PCDH11X: variants seen among roughly 807,000 people sequenced by gnomAD.
PCDH11X encodes the protein protocadherin 11 X-linked, also known as protocadherin-11 X-linked.
PCDH11X carries 18 observed loss-of-function variants against 53.3 expected under a neutral mutation model. That is an observed-to-expected ratio of 0.34 (90% CI 0.23 to 0.50). PCDH11X has a LOEUF of 0.50. Among genes scored for constraint, PCDH11X ranks in the 20% least tolerant of loss-of-function variants. The pLI is 0.98. For synonymous variants in PCDH11X, 279 were observed against 393.3 expected, an observed-to-expected ratio of 0.71 and a Z score of 3.44; for missense variants, 570 against 1,032.4, an observed-to-expected ratio of 0.55 and a Z score of 6.14.
intron 10 of PCDH11X, among the ~76,000 whole-genome samples, chrX:92,471,019 A>G (rs2073250544): frequency 9.4e-6 from 1 of 106,624 alleles, no homozygotes; most frequent in Non-Finnish European, 1.9e-5. Context: ...TAGAATTGGT[A>G]TTAGTTCTTT....
At chrX:92,526,709 G>C (rs1318510048) in intron 10 of PCDH11X, among the ~76,000 whole-genome samples, 1 of 104,699 alleles carries the variant, frequency 9.6e-6, no homozygotes, top group African/African-American at 3.5e-5. Flanking sequence ...AACCACTATA[G>C]AGAACAGTTT....
At chrX:91,859,166 T>A (rs1938518025) in intron 5 of PCDH11X, among the ~76,000 whole-genome samples, 1 of 112,346 alleles carries the variant, frequency 8.9e-6, no homozygotes, top group Non-Finnish European at 1.9e-5. Context: ...TCATTCTGAC[T>A]GTCCTGAGAT....
intron 6 of PCDH11X, among the ~76,000 whole-genome samples, chrX:92,167,022 G>C (rs2065744934): frequency 9.1e-6 from 1 of 109,524 alleles, no homozygotes; most frequent in Admixed American, 1.0e-4. Flanking sequence ...TCCTTATTAT[G>C]AACATTAAAA....
intron 6 of PCDH11X, among the ~76,000 whole-genome samples, chrX:92,142,849 G>GTA (rs202066998): frequency 0.038 from 4,049 of 107,445 alleles, 190 homozygotes; most frequent in African/African-American, 0.13. Flanking sequence ...TAAATTGTGT[G>GTA]TATATATATA....
chrX:92,256,885 A>G (rs1213004853), intron 7 of PCDH11X, among the ~76,000 whole-genome samples: 1 of 111,109 alleles, frequency 9.0e-6, no homozygotes, highest in Non-Finnish European at 1.9e-5. Context: ...TGAAAAGGAC[A>G]TGATCTCAGT....
chrX:92,276,657 A>G (rs2068100029), intron 8 of PCDH11X, among the ~76,000 whole-genome samples: 1 of 111,448 alleles, frequency 9.0e-6, no homozygotes, highest in Non-Finnish European at 1.9e-5. Flanking sequence ...AGTTTTTTCT[A>G]TTATTGTACA....
At chrX:92,114,320 A>G (rs923341280) in intron 6 of PCDH11X, 6 of 969,906 alleles carry the variant, frequency 6.2e-6, no homozygotes, top group Non-Finnish European at 8.9e-6. Flanking sequence ...CCATAGGCAT[A>G]GATGTCACGG....
intron 6 of PCDH11X, among the ~76,000 whole-genome samples, chrX:92,124,063 G>C (rs2064818675): frequency 9.0e-6 from 1 of 111,610 alleles, no homozygotes; most frequent in Non-Finnish European, 1.9e-5. Context: ...CATACTTCAA[G>C]TTGCAGCTTA....
chrX:92,035,199 CTG>C (rs1241674134), intron 6 of PCDH11X, among the ~76,000 whole-genome samples: 3 of 111,168 alleles, frequency 2.7e-5, no homozygotes, highest in Non-Finnish European at 3.8e-5. Flanking sequence ...TTATATTATT[CTG>C]TGTTTTTCTG....
intron 6 of PCDH11X, among the ~76,000 whole-genome samples, chrX:91,927,015 T>C (rs1459050729): frequency 3.6e-5 from 4 of 111,437 alleles, no homozygotes; most frequent in African/African-American, 3.3e-5. Context: ...TCTACTTCTA[T>C]GAGATCAACT....
chrX:91,909,497 T>C (rs1205730110), intron 6 of PCDH11X, among the ~76,000 whole-genome samples: 2 of 108,953 alleles, frequency 1.8e-5, no homozygotes. Context: ...AGGATTCTCT[T>C]AAAGATCTTA....
chrX:92,565,393 T>C (rs1341856062), intron 10 of PCDH11X, among the ~76,000 whole-genome samples: 2 of 103,406 alleles, frequency 1.9e-5, no homozygotes, highest in African/African-American at 7.0e-5. Flanking sequence ...CAAGGGTCTT[T>C]CAACTGATAA....
chrX:92,353,887 T>C (rs1167222507), intron 8 of PCDH11X, among the ~76,000 whole-genome samples: 2 of 107,314 alleles, frequency 1.9e-5, no homozygotes, highest in Non-Finnish European at 3.8e-5. Context: ...ACATTGCATG[T>C]TTAGTTACTG....
Position 92,203,788 on chromosome X carries a change from T to C in PCDH11X, c.3114+2333T>C, listed in dbSNP as rs2066430904. 6.3e-5 allele frequency among the ~76,000 whole-genome samples: 7 copies of C among 111,952 alleles called. No individual in the cohort carries two copies. In the South Asian group the frequency reaches 2.6e-3, roughly 42 times the overall value. On this transcript the variant is annotated intron_variant, in intron 7 of 10. Coordinates refer to ENST00000682573, the MANE Select transcript of PCDH11X (RefSeq NM_032968.5). ...TAGGGAGTGCTGAAGCTGTCTTCTTTTGCTGAGTCACTTCCTAAGTGGGGG... is the reference window on the plus strand; with the variant it reads ...TAGGGAGTGCTGAAGCTGTCTTCTTCTGCTGAGTCACTTCCTAAGTGGGGG...
chrX:92,493,868 A>T (rs2073812501), intron 10 of PCDH11X, among the ~76,000 whole-genome samples: 1 of 108,991 alleles, frequency 9.2e-6, no homozygotes, highest in Non-Finnish European at 1.9e-5. Flanking sequence ...GCTGGTCTCA[A>T]ACTCCTGAGC....
chrX:92,278,817 T>G (rs2068175712), intron 8 of PCDH11X, among the ~76,000 whole-genome samples: 1 of 98,874 alleles, frequency 1.0e-5, no homozygotes, highest in African/African-American at 3.8e-5. Flanking sequence ...TTTTTTTTTT[T>G]TTTTTTTTTT....
rs1418738169 is a variant in PCDH11X, at chrX:92,296,239, GT to G, written c.3144+33104del. 4.5e-5 allele frequency among the ~76,000 whole-genome samples: 5 copies of G among 110,826 alleles called. No homozygotes were observed. In the East Asian group the frequency reaches 1.1e-3, roughly 25 times the overall value. ...TACATTGCTGAATTTGGTTCACTAG[GT>G]TTTTTTTCTAAACTTTTATCTTAGG... On this transcript the variant is annotated intron_variant, in intron 8 of 10. Coordinates refer to ENST00000682573, the MANE Select transcript of PCDH11X (RefSeq NM_032968.5).
intron 4 of PCDH11X, among the ~76,000 whole-genome samples, chrX:91,827,831 C>T (rs1366260644): frequency 1.8e-5 from 2 of 109,431 alleles, no homozygotes; most frequent in Admixed American, 9.8e-5. Flanking sequence ...GCACCAGTAC[C>T]GTTACTGTAG....
chrX:92,223,867 T>C (rs1454120800), intron 7 of PCDH11X, among the ~76,000 whole-genome samples: 4 of 111,334 alleles, frequency 3.6e-5, no homozygotes, highest in Non-Finnish European at 7.5e-5. Context: ...TATGTATGTA[T>C]TCTGTGTATT....
Sources: gnomAD v4.1 joint callset for allele counts (sites outside exome capture counted in the v4.1 genomes callset) on GRCh38, gnomAD v4.1.1 for gene constraint, MANE v1.5 for transcripts, NCBI Gene and HGNC (gene_info 2026-07-23, HGNC 2026-07-21) for gene names.